Variants in FIG4 observed in about 807,000 individuals in gnomAD.
The protein encoded by FIG4 is FIG4 phosphoinositide 5-phosphatase, also known as polyphosphoinositide phosphatase.
In FIG4, 112 loss-of-function variants were observed where a neutral mutation model predicts 118.6. That is an observed-to-expected ratio of 0.94 (90% CI 0.81 to 1.11). The LOEUF is 1.11. Among genes scored for constraint, FIG4 ranks in the 50% least tolerant of loss-of-function variants. The probability of loss-of-function intolerance (pLI) is 0.00; values close to 1 mark genes in which losing one functional copy is unlikely to be tolerated. For missense variants in FIG4, 969 were observed against 1,111.7 expected (o/e 0.87, Z 1.83); for synonymous variants, 369 against 381.2 (o/e 0.97, Z 0.37).
At chr6:109,761,685 C>G (rs1370372823) in intron 11 of FIG4, among the ~76,000 whole-genome samples, 1 of 152,212 alleles carries the variant, frequency 6.6e-6, no homozygotes, top group African/African-American at 2.4e-5. Flanking sequence ...CTGCACCCAG[C>G]TGCCATTCAT....
intron 1 of FIG4, among the ~76,000 whole-genome samples, chr6:109,707,287 A>ATG (rs1364240785): frequency 2.9e-5 from 4 of 139,748 alleles, no homozygotes; most frequent in African/African-American, 8.9e-5. Flanking sequence ...GTGTATATAT[A>ATG]TATATGTGTG....
chr6:109,703,752 C>T (rs549531805), intron 1 of FIG4, among the ~76,000 whole-genome samples: 235 of 152,312 alleles, frequency 1.5e-3, no homozygotes, highest in Non-Finnish European at 1.7e-3. Context: ...ATCAGATGCT[C>T]TGTCCTTATC....
chr6:109,735,997 C>T (rs191590962), intron 6 of FIG4, among the ~76,000 whole-genome samples: 26 of 151,984 alleles, frequency 1.7e-4, no homozygotes, highest in South Asian at 8.3e-4. Flanking sequence ...AAACCAGTCA[C>T]GCAATACCTT....
At chr6:109,711,154 C>T (rs6568597) in intron 1 of FIG4, among the ~76,000 whole-genome samples, 3,180 of 152,162 alleles carry the variant, frequency 0.021, 100 homozygotes, top group African/African-American at 0.074. Context: ...AATCCCAGCA[C>T]TTTGGGAGGC....
intron 18 of FIG4, 151 bp from the exon 19 acceptor site, chr6:109,789,443 G>A (rs903826104): frequency 1.0e-5 from 7 of 678,346 alleles, no homozygotes; most frequent in African/African-American, 5.3e-5. Context: ...TTAATTCATG[G>A]TTTTATGTCC....
rs571563767 is a variant in FIG4 at position 109,727,220 on chromosome 6, A to G, written c.401A>G (p.Tyr134Cys). 2.3e-5 allele frequency: 37 copies of G among 1,612,702 alleles called. No individual in the cohort carries two copies. Among genetic ancestry groups the G allele is most frequent in the South Asian group, 1.1e-4 (10 of 91,064 alleles). ...AAGGTCGAAGATACAAATATGATCTATATACCCAATGATTCTGTACGGGTT... is the reference window on the plus strand; with the variant it reads ...AAGGTCGAAGATACAAATATGATCTGTATACCCAATGATTCTGTACGGGTT... ...IYKVEDTNMI[Y>C]IPNDSVRVTH... Residue 134 changes from tyrosine (Y) to cysteine (C), a missense_variant, in exon 4 of 23, where the codon TAT becomes TGT. This residue lies in a region of FIG4 where 393 missense variants were observed against 409.4 expected (regional missense o/e 0.96). Transcript: ENST00000230124.
chr6:109,816,236 C>T (rs773099075), intron 22 of FIG4, among the ~76,000 whole-genome samples: 12 of 152,206 alleles, frequency 7.9e-5, no homozygotes, highest in Non-Finnish European at 1.8e-4. Flanking sequence ...CCGTCTGCAA[C>T]CTCAGGACAC....
At position 109,691,511 on chromosome 6, in the gene FIG4, C is replaced by G; in HGVS notation, c.66+10C>G. 6.4e-7 allele frequency: 1 copy of G among 1,568,858 alleles called. No homozygotes were observed. ...GTATGAGACTAGAGCTGTGAGTACC[C>G]CCTCGCGGCGGGGCGCAGGCGGGAG... On this transcript the variant is annotated intron_variant, in intron 1 of 22. Transcript: ENST00000230124.
chr6:109,751,982 T>G (rs1433263127), intron 10 of FIG4, among the ~76,000 whole-genome samples: 1 of 83,744 alleles, frequency 1.2e-5, no homozygotes, highest in Non-Finnish European at 2.2e-5. Flanking sequence ...ATGCTATCCC[T>G]CCCCCCTCCC....
At chr6:109,714,842 G>A (rs1206511971) in intron 1 of FIG4, among the ~76,000 whole-genome samples, 1 of 152,092 alleles carries the variant, frequency 6.6e-6, no homozygotes, top group South Asian at 2.1e-4. Context: ...TGGTTACTGG[G>A]CACATTTCAG....
chr6:109,786,231 A>G, intron 17 of FIG4, 71 bp from the exon 18 acceptor site: 1 of 1,376,450 alleles, frequency 7.3e-7, no homozygotes, highest in East Asian at 2.3e-5. Context: ...CTGTGAACAC[A>G]GTTAATATTA....
chr6:109,751,885 T>C (rs1246471331), intron 10 of FIG4, among the ~76,000 whole-genome samples: 1 of 151,050 alleles, frequency 6.6e-6, no homozygotes, highest in Non-Finnish European at 1.5e-5. Context: ...GTGTGCACAA[T>C]GTGCCGATTA....
chr6:109,800,650 C>G (rs148219386), intron 22 of FIG4, among the ~76,000 whole-genome samples: 1 of 152,272 alleles, frequency 6.6e-6, no homozygotes, highest in Non-Finnish European at 1.5e-5. Flanking sequence ...CTCTCATCCC[C>G]CATCACACCC....
intron 4 of FIG4, among the ~76,000 whole-genome samples, chr6:109,731,241 G>C (rs1373611964): frequency 6.6e-6 from 1 of 152,180 alleles, no homozygotes; most frequent in Admixed American, 6.5e-5. Context: ...ACTATGAGTT[G>C]GAGTGATATT....
At chr6:109,716,779 T>C (rs973501071) in intron 3 of FIG4, among the ~76,000 whole-genome samples, 1 of 152,220 alleles carries the variant, frequency 6.6e-6, no homozygotes, top group African/African-American at 2.4e-5. Context: ...CAGTTTTATT[T>C]AGGATACAAA....
intron 5 of FIG4, 114 bp from the exon 6 acceptor site, chr6:109,735,036 A>G: frequency 1.2e-6 from 1 of 868,930 alleles, no homozygotes. Context: ...GCTTCCAAAT[A>G]AAGTAATAGG....
At chr6:109,755,260 T>C (rs1010270479) in intron 10 of FIG4, among the ~76,000 whole-genome samples, 2 of 152,246 alleles carry the variant, frequency 1.3e-5, no homozygotes, top group Non-Finnish European at 2.9e-5. Flanking sequence ...AGTGAGTTTC[T>C]TAATCCTGAA....
intron 20 of FIG4, 52 bp from the exon 21 acceptor site, chr6:109,792,530 C>A: frequency 9.6e-7 from 1 of 1,039,002 alleles, no homozygotes; most frequent in Non-Finnish European, 1.5e-6. Context: ...TATTGATATG[C>A]TATATGTCTA....
chr6:109,820,469 G>A (rs993401940), intron 22 of FIG4, among the ~76,000 whole-genome samples: 4 of 152,072 alleles, frequency 2.6e-5, no homozygotes, highest in African/African-American at 9.7e-5. Context: ...TGCAGTATGC[G>A]TTGTCTCTGA....
Sources: allele counts gnomAD v4.1 joint callset (sites outside exome capture counted in the v4.1 genomes callset), GRCh38; gene constraint gnomAD v4.1.1; regional missense constraint gnomAD v4.1.1; transcripts MANE v1.5; gene names NCBI Gene and HGNC (gene_info 2026-07-23, HGNC 2026-07-21).